The following CTNNA2 variants were observed in gnomAD, a reference collection of about 807,000 sequenced individuals.
CTNNA2 encodes the protein catenin alpha 2, also known as catenin alpha-2.
CTNNA2 carries 42 observed loss-of-function variants against 101.0 expected under a neutral mutation model. The observed-to-expected ratio is 0.42, with a 90% CI of 0.32 to 0.54. The LOEUF is 0.54. Among genes scored for constraint, CTNNA2 ranks in the 20% least tolerant of loss-of-function variants. The probability of loss-of-function intolerance (pLI) is 0.14; values close to 1 mark genes in which losing one functional copy is unlikely to be tolerated. For synonymous variants in CTNNA2, 450 were observed against 456.4 expected (o/e 0.99, Z 0.18); for missense variants, 871 against 1,223.1 (o/e 0.71, Z 4.29).
intron 4 of CTNNA2, among the ~76,000 whole-genome samples, chr2:79,411,113 G>C (rs766423967): frequency 2.0e-5 from 3 of 152,052 alleles, no homozygotes; most frequent in Non-Finnish European, 4.4e-5. Flanking sequence ...ATTCTCAGAT[G>C]GTAGTTTGTA....
chr2:79,673,533 A>G (rs1465926181), intron 2 of CTNNA2, among the ~76,000 whole-genome samples: 2 of 152,224 alleles, frequency 1.3e-5, no homozygotes, highest in African/African-American at 2.4e-5. Context: ...TTGGCTAGAA[A>G]GAACTGTTTT....
chr2:79,532,487 T>G (rs755651999), intron 1 of CTNNA2, among the ~76,000 whole-genome samples: 4 of 152,188 alleles, frequency 2.6e-5, no homozygotes, highest in Non-Finnish European at 4.4e-5. Flanking sequence ...TCATTGAATG[T>G]GCTTTAATAC....
At chr2:79,627,609 A>T (rs1442922714) in intron 1 of CTNNA2, among the ~76,000 whole-genome samples, 2 of 152,220 alleles carry the variant, frequency 1.3e-5, no homozygotes, top group Non-Finnish European at 2.9e-5. Flanking sequence ...GTGTAATATC[A>T]TGGTACATCT....
chr2:79,598,159 A>C (rs923450641), intron 1 of CTNNA2, among the ~76,000 whole-genome samples: 1 of 152,178 alleles, frequency 6.6e-6, no homozygotes, highest in African/African-American at 2.4e-5. Flanking sequence ...ATTTCTTTTC[A>C]GTGCTGAATA....
chr2:79,209,189 AT>A (rs908983848), intron 2 of CTNNA2, among the ~76,000 whole-genome samples: 2 of 152,134 alleles, frequency 1.3e-5, no homozygotes, highest in African/African-American at 2.4e-5. Context: ...TAAAAAATAA[AT>A]TTTTTTAAAA....
At chr2:79,188,126 AT>A (rs1284501631) in intron 1 of CTNNA2, among the ~76,000 whole-genome samples, 3 of 152,122 alleles carry the variant, frequency 2.0e-5, no homozygotes, top group African/African-American at 7.2e-5. Flanking sequence ...TATGTATATT[AT>A]TTTCTATTAA....
At chr2:79,258,343 T>C (rs558231190) in intron 2 of CTNNA2, among the ~76,000 whole-genome samples, 1 of 152,344 alleles carries the variant, frequency 6.6e-6, no homozygotes, top group South Asian at 2.1e-4. Context: ...CCTTGGGCAG[T>C]TCCCCTCAAG....
At chr2:79,267,733 T>C (rs1265512979) in intron 2 of CTNNA2, among the ~76,000 whole-genome samples, 2 of 151,982 alleles carry the variant, frequency 1.3e-5, no homozygotes, top group Non-Finnish European at 2.9e-5. Flanking sequence ...GAACTGGTGG[T>C]GGGGACAGAA....
intron 8 of CTNNA2, among the ~76,000 whole-genome samples, chr2:80,398,342 C>CT (rs1294862638): frequency 2.0e-5 from 3 of 152,104 alleles, no homozygotes; most frequent in Non-Finnish European, 4.4e-5. Context: ...ATGAGGCTAT[C>CT]TACATGGCAA....
intron 9 of CTNNA2, among the ~76,000 whole-genome samples, chr2:80,529,586 G>C (rs989169557): frequency 2.6e-5 from 4 of 152,062 alleles, no homozygotes; most frequent in African/African-American, 9.7e-5. Context: ...TATTATTGGT[G>C]TTCACACAAT....
chr2:79,504,261 A>T (rs965167475), intron 4 of CTNNA2, among the ~76,000 whole-genome samples: 4 of 152,012 alleles, frequency 2.6e-5, no homozygotes. Flanking sequence ...GAGTAAAGAT[A>T]GTGGTTAAAT....
intron 9 of CTNNA2, among the ~76,000 whole-genome samples, chr2:80,420,852 C>T (rs1416536510): frequency 6.6e-6 from 1 of 152,206 alleles, no homozygotes; most frequent in African/African-American, 2.4e-5. Flanking sequence ...GCCTTGGCCA[C>T]AATAATGGAA....
intron 7 of CTNNA2, among the ~76,000 whole-genome samples, chr2:80,331,962 C>T (rs761145448): frequency 6.6e-5 from 10 of 152,110 alleles, no homozygotes; most frequent in Non-Finnish European, 1.0e-4. Flanking sequence ...TGCATTTGGG[C>T]AGATGCTATC....
chr2:80,333,943 C>T (rs1671566091), intron 7 of CTNNA2, among the ~76,000 whole-genome samples: 1 of 152,114 alleles, frequency 6.6e-6, no homozygotes, highest in Non-Finnish European at 1.5e-5. Context: ...CTTTGACACC[C>T]AGTCACCTGC....
chr2:80,047,751 T>C (rs1696622719), intron 7 of CTNNA2, among the ~76,000 whole-genome samples: 1 of 152,208 alleles, frequency 6.6e-6, no homozygotes, highest in Non-Finnish European at 1.5e-5. Context: ...ATCCTGGGTC[T>C]GACTAGAATT....
At chr2:80,184,842 T>G (rs2148987039) in intron 7 of CTNNA2, among the ~76,000 whole-genome samples, 1 of 152,368 alleles carries the variant, frequency 6.6e-6, no homozygotes. Context: ...ATGCAATTTT[T>G]AAAATTTCCA....
intron 3 of CTNNA2, among the ~76,000 whole-genome samples, chr2:79,839,378 T>C (rs916339182): frequency 1.3e-5 from 2 of 152,074 alleles, no homozygotes; most frequent in Non-Finnish European, 2.9e-5. Flanking sequence ...AGTTTTACTA[T>C]GCAGCTATCA....
At chr2:79,980,505 T>G (rs953919976) in intron 7 of CTNNA2, among the ~76,000 whole-genome samples, 1 of 152,152 alleles carries the variant, frequency 6.6e-6, no homozygotes, top group Non-Finnish European at 1.5e-5. Context: ...TTATAGCAGT[T>G]ATTACTGAAA....
At chr2:79,938,114 G>C (rs1160474410) in intron 7 of CTNNA2, among the ~76,000 whole-genome samples, 1 of 152,184 alleles carries the variant, frequency 6.6e-6, no homozygotes, top group African/African-American at 2.4e-5. Flanking sequence ...AAAAATGGCA[G>C]TGCCCTCAAA....
Sources: gnomAD v4.1 joint callset for allele counts (sites outside exome capture counted in the v4.1 genomes callset) on GRCh38, gnomAD v4.1.1 for gene constraint, MANE v1.5 for transcripts, NCBI Gene and HGNC (gene_info 2026-07-23, HGNC 2026-07-21) for gene names.